FAT3: variants seen among roughly 807,000 people sequenced by gnomAD.
FAT3 encodes FAT atypical cadherin 3.
Under a neutral mutation model 310.2 loss-of-function variants are expected in FAT3, and 95 were observed. The observed-to-expected ratio is 0.31, with a 90% CI of 0.26 to 0.36. FAT3 has a LOEUF of 0.36. FAT3 is among the 10% of genes least tolerant of loss of function. FAT3 has a pLI of 1.00. For missense variants in FAT3, 5,408 were observed against 5,715.6 expected (o/e 0.95, Z 1.74); for synonymous variants, 2,314 against 2,192.9 (o/e 1.06, Z -1.54).
chr11:92,399,203 A>C (rs1006576950), intron 2 of FAT3, among the ~76,000 whole-genome samples: 4 of 152,178 alleles, frequency 2.6e-5, no homozygotes, highest in African/African-American at 9.7e-5. Flanking sequence ...TAAGACTAAG[A>C]GTTTTGTGGT....
At chr11:92,670,627 A>T (rs1043488414) in intron 3 of FAT3, among the ~76,000 whole-genome samples, 1 of 152,150 alleles carries the variant, frequency 6.6e-6, no homozygotes, top group Admixed American at 6.5e-5. Flanking sequence ...TTCATGACAC[A>T]AGTTTCCTGA....
intron 7 of FAT3, among the ~76,000 whole-genome samples, chr11:92,788,834 C>T (rs899968105): frequency 1.3e-5 from 2 of 152,076 alleles, no homozygotes; most frequent in African/African-American, 4.8e-5. Context: ...GAAAATGGCT[C>T]AGTTTCTTCA....
intron 19 of FAT3, among the ~76,000 whole-genome samples, chr11:92,855,980 C>CTA (rs1948966410): frequency 7.7e-6 from 1 of 129,240 alleles, no homozygotes; most frequent in Non-Finnish European, 1.6e-5. Flanking sequence ...GGACAATATG[C>CTA]TTTTTTTTTT....
chr11:92,400,481 A>T (rs1460556099), intron 2 of FAT3: 3 of 152,214 alleles, frequency 2.0e-5, no homozygotes, highest in Non-Finnish European at 2.9e-5. Flanking sequence ...GGACCAAATT[A>T]TGAAAGAAAC....
chr11:92,791,833 C>T (rs1047524105), intron 8 of FAT3, among the ~76,000 whole-genome samples: 1 of 152,140 alleles, frequency 6.6e-6, no homozygotes, highest in Non-Finnish European at 1.5e-5. Flanking sequence ...AAACTTCTGC[C>T]ATATGCAAAC....
chr11:92,566,700 A>G (rs1955463317), intron 3 of FAT3, among the ~76,000 whole-genome samples: 1 of 151,390 alleles, frequency 6.6e-6, no homozygotes, highest in Admixed American at 6.6e-5. Context: ...ATACTGATCA[A>G]TGGAACAGAA....
At chr11:92,617,347 T>C (rs2135651154) in intron 3 of FAT3, among the ~76,000 whole-genome samples, 1 of 152,338 alleles carries the variant, frequency 6.6e-6, no homozygotes, top group Non-Finnish European at 1.5e-5. Context: ...TAAGGTCTTC[T>C]GTACGCTGTT....
intron 2 of FAT3, among the ~76,000 whole-genome samples, chr11:92,358,668 C>A (rs964448857): frequency 4.6e-5 from 7 of 152,086 alleles, no homozygotes; most frequent in Admixed American, 4.6e-4. Context: ...TGAGGAGTGA[C>A]CATCTGGATT....
At chr11:92,771,851 A>C (rs1377624621) in intron 6 of FAT3, among the ~76,000 whole-genome samples, 1 of 152,086 alleles carries the variant, frequency 6.6e-6, no homozygotes, top group East Asian at 1.9e-4. Context: ...TGCCATATGT[A>C]AATGTTATAC....
intron 2 of FAT3, among the ~76,000 whole-genome samples, chr11:92,514,156 G>C (rs953077040): frequency 6.6e-5 from 10 of 152,014 alleles, no homozygotes; most frequent in African/African-American, 2.2e-4. Flanking sequence ...TTTCATGCTG[G>C]AATTAAATAA....
chr11:92,354,262 C>T lies in FAT3; in HGVS notation c.2150C>T (p.Ser717Leu). ...GAAGATGGATTTCTTGACTTTTATTCAATTAATAGACAGGGACCATATTTT... is the reference window on the plus strand; with the variant it reads ...GAAGATGGATTTCTTGACTTTTATTTAATTAATAGACAGGGACCATATTTT... The part of the protein sequence containing the change: ...NLEDGFLDFY[S>L]INRQGPYFDK... Residue 717 changes from serine to leucine, a missense_variant, in exon 2 of 28, where the codon TCA becomes TTA. Around this residue, in one of 5 missense-constraint regions of FAT3, gnomAD observed 4,588 missense variants for 4,809.8 expected, o/e 0.95. Coordinates refer to ENST00000525166, the MANE Select transcript of FAT3 (RefSeq NM_001367949.2). The T allele has an allele frequency of 5.0e-6, 8 of 1,613,658 alleles. No individual in the cohort carries two copies. Among genetic ancestry groups the T allele is most frequent in the Non-Finnish European group, 6.8e-6 (8 of 1,179,852 alleles).
At chr11:92,559,402 T>TTTA in intron 3 of FAT3, 2 of 188,842 alleles carry the variant, frequency 1.1e-5, no homozygotes, top group South Asian at 7.4e-5. Flanking sequence ...TTTTTTTTTT[T>TTTA]GAAACAGGGT....
intron 3 of FAT3, among the ~76,000 whole-genome samples, chr11:92,628,112 G>A (rs1941404193): frequency 6.6e-6 from 1 of 152,170 alleles, no homozygotes; most frequent in African/African-American, 2.4e-5. Flanking sequence ...ATAGCATGAT[G>A]TCTGACCATA....
At chr11:92,260,172 C>A (rs1421639331) in intron 1 of FAT3, among the ~76,000 whole-genome samples, 1 of 152,084 alleles carries the variant, frequency 6.6e-6, no homozygotes, top group Non-Finnish European at 1.5e-5. Flanking sequence ...CTACCCCTTT[C>A]TGTTCGTCAG....
intron 2 of FAT3, among the ~76,000 whole-genome samples, chr11:92,367,710 T>A (rs2134699791): frequency 6.6e-6 from 1 of 152,264 alleles, no homozygotes; most frequent in Admixed American, 6.5e-5. Flanking sequence ...TGGTACAACA[T>A]AAATGAGTGT....
At chr11:92,382,216 C>G (rs866383915) in intron 2 of FAT3, among the ~76,000 whole-genome samples, 4 of 152,124 alleles carry the variant, frequency 2.6e-5, no homozygotes, top group Non-Finnish European at 5.9e-5. Flanking sequence ...TTAATTTCCT[C>G]AAATTTGAAA....
intron 3 of FAT3, among the ~76,000 whole-genome samples, chr11:92,629,920 T>A (rs1342162051): frequency 6.6e-6 from 1 of 152,152 alleles, no homozygotes; most frequent in African/African-American, 2.4e-5. Context: ...TAGGTCTCCA[T>A]TCAGAGGGGT....
intron 4 of FAT3, among the ~76,000 whole-genome samples, chr11:92,749,569 T>C (rs183082935): frequency 6.6e-5 from 10 of 152,324 alleles, no homozygotes; most frequent in South Asian, 2.1e-4. Context: ...TTCCTGAGTA[T>C]AACAGAAGTA....
At chr11:92,837,577 C>A in intron 16 of FAT3, 86 bp from the exon 17 acceptor site, 1 of 1,507,400 alleles carries the variant, frequency 6.6e-7, no homozygotes, top group Non-Finnish European at 9.0e-7. Context: ...TAACAAAGCA[C>A]AGCCTGTAGC....
Sources: allele counts gnomAD v4.1 joint callset (sites outside exome capture counted in the v4.1 genomes callset), GRCh38; gene constraint gnomAD v4.1.1; regional missense constraint gnomAD v4.1.1; transcripts MANE v1.5; gene names NCBI Gene and HGNC (gene_info 2026-07-23, HGNC 2026-07-21).